Variants in CLMP observed in about 807,000 individuals in gnomAD.
CLMP encodes CXADR-like membrane protein.
A neutral mutation model predicts 45.2 loss-of-function variants in CLMP; 27 were observed. The ratio of observed to expected loss-of-function variants is 0.60; its 90% CI spans 0.44 to 0.82. The LOEUF is 0.82. Among genes scored for constraint, CLMP ranks in the 40% least tolerant of loss-of-function variants. The probability of loss-of-function intolerance (pLI) is 0.00; values close to 1 mark genes in which losing one functional copy is unlikely to be tolerated. For missense variants in CLMP, 403 were observed against 448.4 expected (o/e 0.90, Z 0.91); for synonymous variants, 167 against 171.4 (o/e 0.97, Z 0.20).
intron 1 of CLMP, among the ~76,000 whole-genome samples, chr11:123,158,411 AG>A (rs1861442954): frequency 6.6e-6 from 1 of 152,194 alleles, no homozygotes; most frequent in Admixed American, 6.5e-5. Flanking sequence ...GATCGGCGGA[AG>A]GTTTGAGTGC....
At chr11:123,146,102 A>C (rs1054300992) in intron 1 of CLMP, among the ~76,000 whole-genome samples, 1 of 152,350 alleles carries the variant, frequency 6.6e-6, no homozygotes, top group Non-Finnish European at 1.5e-5. Flanking sequence ...GTATGGAAAG[A>C]TCAAGTAACT....
chr11:123,093,858 A>G (rs1040065182), intron 2 of CLMP, among the ~76,000 whole-genome samples: 2 of 152,138 alleles, frequency 1.3e-5, no homozygotes, highest in Non-Finnish European at 2.9e-5. Flanking sequence ...ACTTATATAG[A>G]ACAGATGGAG....
intron 1 of CLMP, among the ~76,000 whole-genome samples, chr11:123,151,767 CT>C (rs1861339988): frequency 6.6e-6 from 1 of 152,190 alleles, no homozygotes; most frequent in Non-Finnish European, 1.5e-5. Flanking sequence ...ATGCATTACC[CT>C]TCCAGGGGCC....
At chr11:123,191,158 G>A (rs930579030) in intron 1 of CLMP, among the ~76,000 whole-genome samples, 6 of 152,112 alleles carry the variant, frequency 3.9e-5, no homozygotes, top group African/African-American at 1.4e-4. Context: ...TTTTAAGAAC[G>A]ATTGATTTAA....
chr11:123,101,853 T>A lies in CLMP; in HGVS notation c.29-3901A>T, dbSNP rs562609830. On this transcript the variant is annotated intron_variant, in intron 1 of 6. Coordinates refer to ENST00000448775, the MANE Select transcript of CLMP (RefSeq NM_024769.5). ...ACTAAATCCTGGTAAGGCACAGGCA[T>A]AAGCCATTGTCAGCCATTACTCCAA... Among the ~76,000 whole-genome samples the A allele has an allele frequency of 8.6e-5, 13 of 151,972 alleles. 1 individual carries two copies. The highest frequency in any genetic ancestry group is 1.0e-4 in the Non-Finnish European group (7 of 67,964).
At chr11:123,175,246 G>A (rs1224933489) in intron 1 of CLMP, among the ~76,000 whole-genome samples, 1 of 150,442 alleles carries the variant, frequency 6.6e-6, no homozygotes, top group Non-Finnish European at 1.5e-5. Context: ...AGCTGGGGAG[G>A]CCTCAGGAAA....
chr11:123,143,341 G>A (rs890941574), intron 1 of CLMP, among the ~76,000 whole-genome samples: 3 of 152,204 alleles, frequency 2.0e-5, no homozygotes, highest in African/African-American at 7.2e-5. Flanking sequence ...TTTTTGAAGT[G>A]CAGGGATATC....
At chr11:123,192,541 G>T (rs748104393) in intron 1 of CLMP, among the ~76,000 whole-genome samples, 1 of 152,188 alleles carries the variant, frequency 6.6e-6, no homozygotes, top group Non-Finnish European at 1.5e-5. Flanking sequence ...CAGGAGAGAA[G>T]TTAAGGTGGC....
intron 1 of CLMP, among the ~76,000 whole-genome samples, chr11:123,149,055 G>A (rs1411654114): frequency 2.0e-5 from 3 of 152,160 alleles, no homozygotes; most frequent in Non-Finnish European, 4.4e-5. Context: ...GAGATGGGCT[G>A]GGATGTGGTG....
rs745704648 is a variant in CLMP at position 123,073,729 on chromosome 11, G to C, written c.867C>G (p.Ser289=). The change falls in exon 7 of 7, where the codon TCC becomes TCG. Residue 289 remains serine (S), a synonymous_variant. Transcript: ENST00000448775. The part of the protein sequence containing the change: ...APKARLVKPS[S]SSSGSRSSRS... Reference sequence around the variant, plus strand: ...GTGAGCTCCGAGAGCCTGAGGAAGAGGAGCTGGGTTTCACAAGACGGGCTT... The same window carrying C: ...GTGAGCTCCGAGAGCCTGAGGAAGACGAGCTGGGTTTCACAAGACGGGCTT... The C allele has an allele frequency of 1.1e-5, 18 of 1,611,654 alleles. No individual in the cohort carries two copies. In the African/African-American group the frequency reaches 2.4e-4, roughly 22 times the overall value.
At position 123,107,031 on chromosome 11, in the gene CLMP, A is replaced by AT. The variant is rs1225002774; in HGVS notation, c.29-9080_29-9079insA. Among the ~76,000 whole-genome samples the AT allele has an allele frequency of 1.9e-3, 276 of 142,402 alleles. 3 individuals are homozygous for AT. The highest frequency in any genetic ancestry group is 2.7e-3 in the Non-Finnish European group (181 of 66,224). The allele number at this position is 142,402 out of a possible 152,430, so 93.4% of individuals were successfully genotyped here. Reference sequence around the variant, plus strand: ...GAGACTCCGTCTCAAAAAAAAAAAAAAATAATAATAATAATAATTGTACTT... The same window carrying AT: ...GAGACTCCGTCTCAAAAAAAAAAAAATAATAATAATAATAATAATTGTACTT... On this transcript the variant is annotated intron_variant, in intron 1 of 6. Transcript: ENST00000448775.
intron 1 of CLMP, among the ~76,000 whole-genome samples, chr11:123,142,847 C>T (rs1174667784): frequency 2.0e-5 from 3 of 149,688 alleles, no homozygotes; most frequent in South Asian, 4.3e-4. Context: ...AGGATGGTCT[C>T]GATCTCCTGA....
intron 1 of CLMP, among the ~76,000 whole-genome samples, chr11:123,150,761 G>A (rs1427116720): frequency 6.6e-6 from 1 of 152,206 alleles, no homozygotes; most frequent in Non-Finnish European, 1.5e-5. Flanking sequence ...CTGTCGCTCA[G>A]GGTGGAGTGC....
At chr11:123,139,636 C>A (rs1861126201) in intron 1 of CLMP, among the ~76,000 whole-genome samples, 1 of 152,012 alleles carries the variant, frequency 6.6e-6, no homozygotes, top group South Asian at 2.1e-4. Context: ...ACCAGCCTGG[C>A]CAACATGGTG....
At chr11:123,080,972 G>A (rs1004431785) in intron 5 of CLMP, among the ~76,000 whole-genome samples, 3 of 151,926 alleles carry the variant, frequency 2.0e-5, no homozygotes, top group East Asian at 3.9e-4. Flanking sequence ...GTGAAACCCC[G>A]TCTCTACTAC....
intron 1 of CLMP, among the ~76,000 whole-genome samples, chr11:123,164,937 C>A (rs768314774): frequency 1.3e-4 from 20 of 152,090 alleles, no homozygotes; most frequent in Non-Finnish European, 2.8e-4. Flanking sequence ...ATAACATAAT[C>A]AAGTATATTC....
Position 123,125,237 on chromosome 11 carries a change from T to C in CLMP, c.29-27285A>G, listed in dbSNP as rs565257144. On this transcript the variant is annotated intron_variant, in intron 1 of 6. Transcript: ENST00000448775. The stretch of plus-strand genomic sequence containing the variant: ...AAGCTAAAGCAAGACTTTAAAGAAA[T>C]GCAATTTGTTCTGGGCTATGTCCCA... Among the ~76,000 whole-genome samples the C allele has an allele frequency of 4.6e-5, 7 of 152,190 alleles. No individual in the cohort carries two copies. The South Asian group carries it at 1.0e-3, about 23-fold the overall frequency.
chr11:123,094,338 C>G (rs187140887), intron 2 of CLMP, among the ~76,000 whole-genome samples: 1 of 152,088 alleles, frequency 6.6e-6, no homozygotes, highest in Non-Finnish European at 1.5e-5. Context: ...AACTCCTGAG[C>G]TCAAGTGGAC....
intron 2 of CLMP, among the ~76,000 whole-genome samples, chr11:123,087,316 A>G (rs1865876621): frequency 6.6e-6 from 1 of 152,008 alleles, no homozygotes; most frequent in Non-Finnish European, 1.5e-5. Flanking sequence ...CAGTCTGAGC[A>G]ACAAGAGCGA....
Sources: allele counts gnomAD v4.1 joint callset (sites outside exome capture counted in the v4.1 genomes callset), GRCh38; gene constraint gnomAD v4.1.1; transcripts MANE v1.5; gene names NCBI Gene and HGNC (gene_info 2026-07-23, HGNC 2026-07-21).